Variants in IL1RAPL1 observed in about 807,000 individuals in gnomAD.
IL1RAPL1 encodes interleukin 1 receptor accessory protein like 1.
Under a neutral mutation model 48.4 loss-of-function variants are expected in IL1RAPL1, and 3 were observed. That is an observed-to-expected ratio of 0.06 (90% CI 0.03 to 0.16). The LOEUF (loss-of-function observed/expected upper bound fraction) is 0.16, where lower values mean the gene tolerates loss of function less well. Among genes scored for constraint, IL1RAPL1 ranks in the 10% least tolerant of loss-of-function variants. The pLI is 1.00. For missense variants in IL1RAPL1, 349 were observed against 530.6 expected (o/e 0.66, Z 3.36); for synonymous variants, 185 against 187.7 (o/e 0.99, Z 0.12).
At chrX:29,729,864 G>T (rs1315284270) in intron 6 of IL1RAPL1, among the ~76,000 whole-genome samples, 2 of 111,532 alleles carry the variant, frequency 1.8e-5, no homozygotes, top group African/African-American at 3.3e-5. Context: ...CAAACGGAAA[G>T]TGGAAAAAAA....
At chrX:29,803,374 T>C (rs1376720724) in intron 6 of IL1RAPL1, among the ~76,000 whole-genome samples, 27 of 88,941 alleles carry the variant, frequency 3.0e-4, no homozygotes, top group Non-Finnish European at 5.9e-4. Context: ...CATATGTATA[T>C]ATGTATACAT....
chrX:29,058,354 C>T (rs1354540927), intron 2 of IL1RAPL1, among the ~76,000 whole-genome samples: 11 of 105,890 alleles, frequency 1.0e-4, no homozygotes, highest in African/African-American at 2.7e-4. Context: ...TCCAGCCTAG[C>T]GACAGAGTGA....
chrX:28,804,913 G>A (rs1277766489), intron 2 of IL1RAPL1, among the ~76,000 whole-genome samples: 1 of 111,241 alleles, frequency 9.0e-6, no homozygotes, highest in Non-Finnish European at 1.9e-5. Context: ...TCAGGGCACA[G>A]TACAGAATAA....
At chrX:28,939,535 G>A (rs1489297707) in intron 2 of IL1RAPL1, among the ~76,000 whole-genome samples, 1 of 110,588 alleles carries the variant, frequency 9.0e-6, no homozygotes, top group Admixed American at 9.7e-5. Context: ...CTACTTCAGG[G>A]TGGAGGGTGG....
At chrX:29,878,979 C>A in intron 6 of IL1RAPL1, among the ~76,000 whole-genome samples, 3 of 111,292 alleles carry the variant, frequency 2.7e-5, no homozygotes, top group Middle Eastern at 9.3e-3. Flanking sequence ...TTCATGATTG[C>A]CAAATAACTT....
chrX:29,140,436 G>C, intron 2 of IL1RAPL1, among the ~76,000 whole-genome samples: 1 of 111,886 alleles, frequency 8.9e-6, no homozygotes, highest in East Asian at 2.8e-4. Flanking sequence ...AAATTCTCTG[G>C]ATTCAGTGAG....
At chrX:28,603,085 CTT>C (rs915161540) in intron 1 of IL1RAPL1, among the ~76,000 whole-genome samples, 1 of 111,687 alleles carries the variant, frequency 9.0e-6, no homozygotes, top group African/African-American at 3.3e-5. Flanking sequence ...AGGACAGTCT[CTT>C]AGAAAACATA....
rs1925980271 is a variant in IL1RAPL1, at chrX:29,006,490, G to A, written c.82+217065G>A. Among the ~76,000 whole-genome samples, 3 of 106,312 alleles carry A rather than the reference G, an allele frequency of 2.8e-5. No homozygotes were observed. The Admixed American group carries it at 3.0e-4, about 11-fold the overall frequency. 92.3% of individuals were successfully genotyped at this position (106,312 alleles called of 115,157 possible). A position where few individuals can be genotyped will look rare whatever the true frequency, so the allele number is the denominator to read the frequency against. On this transcript the variant is annotated intron_variant, in intron 2 of 10. Coordinates refer to ENST00000378993, the MANE Select transcript of IL1RAPL1 (RefSeq NM_014271.4). The stretch of plus-strand genomic sequence containing the variant: ...GATGGCGCCATTGCACTCCAACATG[G>A]GCAACAAGAGCAAAACGCCGTCTGG...
At chrX:29,388,436 C>A (rs760077204) in intron 3 of IL1RAPL1, among the ~76,000 whole-genome samples, 5 of 111,849 alleles carry the variant, frequency 4.5e-5, no homozygotes, top group African/African-American at 1.6e-4. Context: ...TAGATATATA[C>A]CGAAAAGAAT....
chrX:29,794,586 T>C (rs957374466), intron 6 of IL1RAPL1, among the ~76,000 whole-genome samples: 1 of 111,941 alleles, frequency 8.9e-6, no homozygotes, highest in African/African-American at 3.3e-5. Context: ...AAAGCAGTTA[T>C]TGAACTTAAG....
At chrX:29,447,256 A>C (rs1302908693) in intron 5 of IL1RAPL1, among the ~76,000 whole-genome samples, 1 of 110,435 alleles carries the variant, frequency 9.1e-6, no homozygotes, top group African/African-American at 3.3e-5. Context: ...TAGAATTTCC[A>C]GTTGATTAGT....
chrX:29,155,953 T>C (rs1222223054), intron 2 of IL1RAPL1, among the ~76,000 whole-genome samples: 3 of 110,962 alleles, frequency 2.7e-5, no homozygotes, highest in Non-Finnish European at 5.7e-5. Context: ...AGGAATCTAA[T>C]AATTTATAGT....
At chrX:29,449,832 A>G (rs1387627309) in intron 5 of IL1RAPL1, among the ~76,000 whole-genome samples, 1 of 106,553 alleles carries the variant, frequency 9.4e-6, no homozygotes, top group African/African-American at 3.5e-5. Flanking sequence ...CTTATTTTAC[A>G]AAACACCAGC....
At chrX:28,719,186 T>C (rs1022034494) in intron 1 of IL1RAPL1, among the ~76,000 whole-genome samples, 1 of 111,033 alleles carries the variant, frequency 9.0e-6, no homozygotes, top group Non-Finnish European at 1.9e-5. Context: ...TCCCTAGGTA[T>C]TGTGGACCCT....
intron 5 of IL1RAPL1, among the ~76,000 whole-genome samples, chrX:29,617,564 C>G: frequency 8.9e-6 from 1 of 111,752 alleles, no homozygotes; most frequent in East Asian, 2.8e-4. Flanking sequence ...AACAGTGGGA[C>G]TGGGCAGTCT....
At chrX:29,902,696 A>G (rs1465336632) in intron 6 of IL1RAPL1, among the ~76,000 whole-genome samples, 2 of 111,448 alleles carry the variant, frequency 1.8e-5, no homozygotes, top group African/African-American at 6.5e-5. Flanking sequence ...AGCACTCACC[A>G]TGGGTACTAT....
At chrX:29,162,373 T>TAATAAATA (rs200951818) in intron 2 of IL1RAPL1, among the ~76,000 whole-genome samples, 1 of 110,314 alleles carries the variant, frequency 9.1e-6, no homozygotes, top group Non-Finnish European at 1.9e-5. Flanking sequence ...TCAAGTAAAA[T>TAATAAATA]AATAAATAAA....
intron 2 of IL1RAPL1, among the ~76,000 whole-genome samples, chrX:29,121,033 C>T (rs1928773000): frequency 1.8e-5 from 2 of 111,671 alleles, no homozygotes; most frequent in Admixed American, 1.9e-4. Flanking sequence ...TGACACATCC[C>T]AAAACCCTTT....
intron 2 of IL1RAPL1, among the ~76,000 whole-genome samples, chrX:29,094,837 TAAAA>T (rs143227525): frequency 1.4e-5 from 1 of 69,204 alleles, no homozygotes; most frequent in Non-Finnish European, 2.6e-5. Context: ...ACCTAAAAAC[TAAAA>T]AAAAAAAAAA....
Sources: gnomAD v4.1 joint callset for allele counts (sites outside exome capture counted in the v4.1 genomes callset) on GRCh38, gnomAD v4.1.1 for gene constraint, MANE v1.5 for transcripts, NCBI Gene and HGNC (gene_info 2026-07-23, HGNC 2026-07-21) for gene names.